Variants in IFT57 observed in about 807,000 individuals in gnomAD.
IFT57 encodes intraflagellar transport 57, also known as intraflagellar transport protein 57 homolog.
Under a neutral mutation model 56.8 loss-of-function variants are expected in IFT57, and 59 were observed. That is an observed-to-expected ratio of 1.04 (90% confidence interval 0.84 to 1.29). The LOEUF (loss-of-function observed/expected upper bound fraction) is 1.29. Ranked by LOEUF, IFT57 falls within the 50% of genes most tolerant of loss-of-function variation. The pLI, the probability that IFT57 is intolerant of heterozygous loss-of-function variation, is 0.00. For missense variants in IFT57, 470 were observed against 522.1 expected (o/e 0.90, Z 0.97); for synonymous variants, 209 against 186.1 (o/e 1.12, Z -1.00).
chr3:108,190,518 G>A (rs1052007611), intron 6 of IFT57, among the ~76,000 whole-genome samples: 1 of 152,196 alleles, frequency 6.6e-6, no homozygotes, highest in African/African-American at 2.4e-5. Flanking sequence ...CTGCGGCCTT[G>A]TAAAGAAGAT....
At chr3:108,174,845 G>C (rs2080115337) in intron 6 of IFT57, among the ~76,000 whole-genome samples, 1 of 151,836 alleles carries the variant, frequency 6.6e-6, no homozygotes, top group Non-Finnish European at 1.5e-5. Flanking sequence ...CTGGAGCAGA[G>C]GTGCAGCTGA....
At chr3:108,182,163 T>C (rs2080154548) in intron 6 of IFT57, among the ~76,000 whole-genome samples, 1 of 152,070 alleles carries the variant, frequency 6.6e-6, no homozygotes. Context: ...AGGTCAAAAA[T>C]ATTTAGAGAA....
At chr3:108,169,088 T>G (rs2080078495) in intron 6 of IFT57, among the ~76,000 whole-genome samples, 1 of 152,066 alleles carries the variant, frequency 6.6e-6, no homozygotes, top group South Asian at 2.1e-4. Flanking sequence ...CCACAATGGT[T>G]GAACTAATTT....
intron 6 of IFT57, among the ~76,000 whole-genome samples, chr3:108,178,179 T>C (rs1034350752): frequency 2.6e-5 from 4 of 152,030 alleles, no homozygotes; most frequent in South Asian, 2.1e-4. Context: ...AGCAGTGTAC[T>C]GGTGAAAGAA....
In IFT57 at chr3:108,215,702, T is replaced by A. The variant is rs185479349; in HGVS notation, c.495-1681A>T. On this transcript the variant is annotated intron_variant, in intron 3 of 10. Transcript: ENST00000264538. ...CTCAAAGGCAATGTTCTTCTAGGATTCATTTTGACATTTAGATATATAAAA... is the reference window on the plus strand; with the variant it reads ...CTCAAAGGCAATGTTCTTCTAGGATACATTTTGACATTTAGATATATAAAA... 5.3e-5 allele frequency among the ~76,000 whole-genome samples: 8 copies of A among 152,368 alleles called. No homozygotes were observed. The East Asian group carries it at 1.5e-3, about 29-fold the overall frequency.
At chr3:108,213,066 T>G (rs112191313) in intron 4 of IFT57, among the ~76,000 whole-genome samples, 5,435 of 152,338 alleles carry the variant, frequency 0.036, 128 homozygotes, top group Non-Finnish European at 0.055. Context: ...CCTTATGGCT[T>G]GCTTAGTAAC....
At chr3:108,200,432 T>C (rs1366178148) in intron 5 of IFT57, among the ~76,000 whole-genome samples, 2 of 151,912 alleles carry the variant, frequency 1.3e-5, no homozygotes, top group Non-Finnish European at 2.9e-5. Flanking sequence ...AGCACTAACA[T>C]TGCCAGGGGT....
chr3:108,218,227 T>C (rs1199826417), intron 3 of IFT57, among the ~76,000 whole-genome samples: 2 of 151,170 alleles, frequency 1.3e-5, no homozygotes, highest in Non-Finnish European at 3.0e-5. Context: ...TGTGAACATA[T>C]GTACAAGAGA....
chr3:108,185,502 A>T (rs568135032), intron 6 of IFT57, among the ~76,000 whole-genome samples: 1 of 152,044 alleles, frequency 6.6e-6, no homozygotes, highest in Non-Finnish European at 1.5e-5. Context: ...TATGAAAAAA[A>T]GAAAAAGTGC....
In IFT57 at chr3:108,162,647, C is replaced by T; in HGVS notation, c.1120G>A (p.Val374Met). The change falls in exon 11 of 11, where the codon GTG (valine) becomes ATG (methionine). Residue 374 changes from valine (V) to methionine (M), a missense_variant. Coordinates refer to ENST00000264538, the MANE Select transcript of IFT57 (RefSeq NM_018010.4). Reference sequence around the variant, plus strand: ...TTTGTTAAGCTCTGTTTAATCTTCACCAAAGGAGCTGCAGAATGAAAATAA... The same window carrying T: ...TTTGTTAAGCTCTGTTTAATCTTCATCAAAGGAGCTGCAGAATGAAAATAA... ...GSSMTDGAPL[V>M]KIKQSLTKLK... The T allele has an allele frequency of 6.3e-7, 1 of 1,594,964 alleles. No individual in the cohort carries two copies. Among genetic ancestry groups the T allele is most frequent in the Non-Finnish European group, 8.5e-7 (1 of 1,169,960 alleles).
At chr3:108,176,265 A>C (rs2080123526) in intron 6 of IFT57, among the ~76,000 whole-genome samples, 2 of 151,864 alleles carry the variant, frequency 1.3e-5, no homozygotes, top group African/African-American at 4.8e-5. Flanking sequence ...GTTTCAACAC[A>C]GAATTCATTT....
At chr3:108,166,780 GAAC>G in intron 8 of IFT57, 71 bp downstream of exon 8, 1 of 1,242,950 alleles carries the variant, frequency 8.0e-7, no homozygotes, top group African/African-American at 1.5e-5. Flanking sequence ...ATTCTCAAAT[GAAC>G]AGTATTGTGT....
chr3:108,181,484 T>C (rs910930842), intron 6 of IFT57, among the ~76,000 whole-genome samples: 2 of 152,074 alleles, frequency 1.3e-5, no homozygotes, highest in African/African-American at 2.4e-5. Flanking sequence ...AAAGCTTGTC[T>C]GTAAAAGTCC....
At chr3:108,221,937 C>T in intron 1 of IFT57, 174 bp downstream of exon 1, 1 of 1,291,252 alleles carries the variant, frequency 7.7e-7, no homozygotes, top group Admixed American at 2.8e-5. Context: ...GTCAGGGCTG[C>T]GTGAGCTCCA....
intron 6 of IFT57, among the ~76,000 whole-genome samples, chr3:108,168,249 A>G (rs777431425): frequency 2.0e-4 from 30 of 151,926 alleles, no homozygotes; most frequent in Non-Finnish European, 1.2e-4. Flanking sequence ...CATATATCAA[A>G]GATTAGTTTG....
intron 5 of IFT57, among the ~76,000 whole-genome samples, chr3:108,195,586 A>G (rs2080239503): frequency 1.3e-5 from 2 of 152,170 alleles, no homozygotes; most frequent in South Asian, 2.1e-4. Context: ...TGATCAAGGG[A>G]TGAATGGATA....
At chr3:108,180,203 T>A (rs2108313554) in intron 6 of IFT57, among the ~76,000 whole-genome samples, 1 of 152,158 alleles carries the variant, frequency 6.6e-6, no homozygotes, top group South Asian at 2.1e-4. Flanking sequence ...CTTTACAAAC[T>A]ACCATCTGTT....
chr3:108,188,377 G>A (rs1305485538), intron 6 of IFT57, among the ~76,000 whole-genome samples: 3 of 152,032 alleles, frequency 2.0e-5, no homozygotes, highest in Non-Finnish European at 4.4e-5. Context: ...GACCCTAAAG[G>A]TGTATTTCCC....
chr3:108,199,700 C>A lies in IFT57; in HGVS notation c.654+6928G>T, dbSNP rs530999799. Among the ~76,000 whole-genome samples the A allele has an allele frequency of 1.8e-4, 28 of 152,312 alleles. No individual in the cohort carries two copies. In the South Asian group the frequency reaches 3.5e-3, roughly 19 times the overall value. ...GCCCACTATGTTCCACATACTGTTA[C>A]AGTCCAGGAATAGTGACTAAAACAA... is the stretch of plus-strand genomic sequence containing the variant. On this transcript the variant is annotated intron_variant, in intron 5 of 10. Coordinates refer to ENST00000264538, the MANE Select transcript of IFT57 (RefSeq NM_018010.4).
Sources: allele counts gnomAD v4.1 joint callset (sites outside exome capture counted in the v4.1 genomes callset), GRCh38; gene constraint gnomAD v4.1.1; transcripts MANE v1.5; gene names NCBI Gene and HGNC (gene_info 2026-07-23, HGNC 2026-07-21).